Variants in KIF13A observed in about 807,000 individuals in gnomAD.
The protein encoded by KIF13A is kinesin-like protein KIF13A.
Under a neutral mutation model 212.2 loss-of-function variants are expected in KIF13A, and 79 were observed. The observed-to-expected ratio is 0.37, with a 90% CI of 0.31 to 0.45. The LOEUF is 0.45. Ranked by LOEUF, KIF13A falls within the 20% of genes least tolerant of loss-of-function variation. The probability of loss-of-function intolerance (pLI) is 1.00; values close to 1 mark genes in which losing one functional copy is unlikely to be tolerated. For synonymous variants in KIF13A, 789 were observed against 808.6 expected, an observed-to-expected ratio of 0.98 and a Z score of 0.41; for missense variants, 1,901 against 2,209.0, an observed-to-expected ratio of 0.86 and a Z score of 2.79.
intron 9 of KIF13A, among the ~76,000 whole-genome samples, chr6:17,841,759 A>C (rs1381282233): frequency 6.6e-6 from 1 of 152,152 alleles, no homozygotes; most frequent in African/African-American, 2.4e-5. Flanking sequence ...CTGCAGGGTG[A>C]GTGGGACTCA....
intron 17 of KIF13A, chr6:17,812,016 T>A (rs1327939557): frequency 1.1e-4 from 16 of 151,488 alleles, no homozygotes; most frequent in Admixed American, 1.1e-3. Context: ...CATGTGCCAC[T>A]GTACCCGACT....
In KIF13A at chr6:17,915,845, CCAG is replaced by C. The variant is rs1392226622; in HGVS notation, c.147-17668_147-17666del. 1.3e-5 allele frequency among the ~76,000 whole-genome samples: 2 copies of C among 151,618 alleles called. No individual in the cohort carries two copies. The highest frequency in any genetic ancestry group is 2.9e-5 in the Non-Finnish European group (2 of 67,932). On this transcript the variant is annotated intron_variant, in intron 2 of 38. Transcript: ENST00000259711. This position sits in a 1 kb window ranked among gnomAD's most constrained non-coding sequence, Gnocchi z 4.4. The stretch of plus-strand genomic sequence containing the variant: ...GGTGTGGTAGCAAGAGCCTATAGTC[CCAG>C]CTACCCAAGAGGCTGAGGTGGTAGG...
Position 17,771,206 on chromosome 6 carries a change from G to T in KIF13A, c.4489C>A (p.Pro1497Thr). ...PLLSQESMPP[P>T]QAHNPGCIVP... The stretch of plus-strand genomic sequence containing the variant: ...ATGCAGCCAGGGTTATGTGCCTGAG[G>T]TGGAGGCATGCTCTGCAAAGGTTAA... The change falls in exon 38 of 39, where the codon CCT becomes ACT. Residue 1497 changes from proline to threonine, a missense_variant. Coordinates refer to ENST00000259711, the MANE Select transcript of KIF13A (RefSeq NM_022113.6). This position sits in a 1 kb window ranked among gnomAD's most constrained non-coding sequence, Gnocchi z 5.4. 6.2e-7 allele frequency: 1 copy of T among 1,611,606 alleles called. No individual in the cohort carries two copies. Among genetic ancestry groups the T allele is most frequent in the Non-Finnish European group, 8.5e-7 (1 of 1,178,498 alleles).
At chr6:17,896,374 CTCA>C (rs1027366195) in intron 3 of KIF13A, among the ~76,000 whole-genome samples, 1 of 152,090 alleles carries the variant, frequency 6.6e-6, no homozygotes, top group Non-Finnish European at 1.5e-5. Context: ...ATGCCCAAAT[CTCA>C]TCGTTTTAAA....
rs939894413 is a variant in KIF13A, at chr6:17,776,723, C to T, written c.4170+554G>A. On this transcript the variant is annotated intron_variant, in intron 34 of 38. Coordinates refer to ENST00000259711, the MANE Select transcript of KIF13A (RefSeq NM_022113.6). This position sits in a 1 kb window ranked among gnomAD's most constrained non-coding sequence, Gnocchi z 4.6. ...TCTGGGAAGTGGCTGCTTAGAAGTG[C>T]TCCATGCACTAATCTGTCCTATCCC... is the stretch of plus-strand genomic sequence containing the variant. Among the ~76,000 whole-genome samples the T allele has an allele frequency of 4.6e-5, 7 of 152,222 alleles. No individual in the cohort carries two copies. Among genetic ancestry groups the T allele is most frequent in the African/African-American group, 1.7e-4 (7 of 41,466 alleles).
At chr6:17,847,875 G>T (rs955761774) in intron 9 of KIF13A, among the ~76,000 whole-genome samples, 1 of 151,996 alleles carries the variant, frequency 6.6e-6, no homozygotes, top group East Asian at 1.9e-4. Context: ...ACAGTGGCGC[G>T]ATCTCGGCTC....
chr6:17,818,825 G>A (rs1042518691), intron 16 of KIF13A, among the ~76,000 whole-genome samples: 7 of 152,088 alleles, frequency 4.6e-5, no homozygotes, highest in Non-Finnish European at 8.8e-5. Context: ...GTAATAAACT[G>A]ATGTGGTACT....
chr6:17,950,262 T>C (rs1777739171), intron 2 of KIF13A: 1 of 300,546 alleles, frequency 3.3e-6, no homozygotes, highest in African/African-American at 2.3e-5. Flanking sequence ...AATCTCTGCT[T>C]CCTCATATAT....
intron 6 of KIF13A, among the ~76,000 whole-genome samples, chr6:17,853,502 T>G (rs1227305511): frequency 6.6e-6 from 1 of 152,150 alleles, no homozygotes; most frequent in Admixed American, 6.6e-5. Context: ...ATGTGTTACC[T>G]AGAAACTCCT....
chr6:17,817,101 T>C lies in KIF13A; in HGVS notation c.1919A>G (p.Gln640Arg). The C allele has an allele frequency of 6.2e-7, 1 of 1,614,008 alleles. No homozygotes were observed. Among genetic ancestry groups the C allele is most frequent in the Non-Finnish European group, 8.5e-7 (1 of 1,179,898 alleles). Residue 640 changes from glutamine to arginine, a missense_variant, in exon 17 of 39, where the codon CAG (glutamine) becomes CGG (arginine). Transcript: ENST00000259711. ...QLRQQLSPDR[Q>R]PQSSGPDRLA... Reference sequence around the variant, plus strand: ...GCGGTCAGGGCCGCTACTCTGTGGCTGCCTGTCGGGGGAGAGCTGCTGGCG... The same window carrying C: ...GCGGTCAGGGCCGCTACTCTGTGGCCGCCTGTCGGGGGAGAGCTGCTGGCG...
chr6:17,942,699 C>T (rs370168871), intron 2 of KIF13A, among the ~76,000 whole-genome samples: 17 of 152,028 alleles, frequency 1.1e-4, no homozygotes, highest in African/African-American at 2.9e-4. Context: ...TAGATTAGGC[C>T]GGGCGCAGTG....
At position 17,777,435 on chromosome 6, in the gene KIF13A, G is replaced by T. The variant is rs1760099464; in HGVS notation, c.4093-81C>A. 3.5e-6 allele frequency: 4 copies of T among 1,155,594 alleles called. No individual in the cohort carries two copies. The highest frequency in any genetic ancestry group is 4.0e-5 in the Admixed American group (2 of 50,210). 71.6% of individuals were successfully genotyped at this position (1,155,594 alleles called of 1,614,324 possible). On this transcript the variant is annotated intron_variant, in intron 33 of 38. Transcript: ENST00000259711. The surrounding 1 kb of genome is among the most constrained non-coding windows in gnomAD (Gnocchi z 4.4). ...GTCTCACTCTGTTGCCCAGGCTGGA[G>T]TGTAGTGATGCGATCTCTGCTCACT...
At chr6:17,792,293 G>A (rs1046703394) in intron 25 of KIF13A, among the ~76,000 whole-genome samples, 7 of 150,976 alleles carry the variant, frequency 4.6e-5, no homozygotes, top group African/African-American at 1.7e-4. Context: ...TACTTATACT[G>A]CAGGTCACAG....
At chr6:17,810,278 T>A (rs1763319483) in intron 17 of KIF13A, among the ~76,000 whole-genome samples, 1 of 152,218 alleles carries the variant, frequency 6.6e-6, no homozygotes, top group African/African-American at 2.4e-5. Context: ...AGGCTCTTCT[T>A]GCTCCACTGC....
At position 17,954,391 on chromosome 6, in the gene KIF13A, G is replaced by C. The variant is rs571546421; in HGVS notation, c.146+32663C>G. 1.8e-4 allele frequency among the ~76,000 whole-genome samples: 28 copies of C among 151,686 alleles called. 1 individual carries two copies. In the South Asian group the frequency reaches 5.2e-3, roughly 28 times the overall value. ...CAAGGACCACATCTTCCCCCTTTTA[G>C]GGAGTAGGTGATTGAAGGTTTTCAC... On this transcript the variant is annotated intron_variant, in intron 2 of 38. Coordinates refer to ENST00000259711, the MANE Select transcript of KIF13A (RefSeq NM_022113.6).
intron 4 of KIF13A, among the ~76,000 whole-genome samples, chr6:17,860,781 T>C (rs1372526280): frequency 6.6e-6 from 1 of 152,112 alleles, no homozygotes; most frequent in Non-Finnish European, 1.5e-5. Context: ...ATTGTATTAG[T>C]TTACACTTTG....
chr6:17,840,097 G>T (rs1210048331), intron 9 of KIF13A, among the ~76,000 whole-genome samples: 1 of 152,144 alleles, frequency 6.6e-6, no homozygotes, highest in Non-Finnish European at 1.5e-5. Context: ...AATAGGGAAT[G>T]ATTTGGATAC....
intron 9 of KIF13A, among the ~76,000 whole-genome samples, chr6:17,848,538 T>G (rs1265499124): frequency 6.6e-6 from 1 of 151,402 alleles, no homozygotes; most frequent in Non-Finnish European, 1.5e-5. Context: ...TGCAGTTTTA[T>G]TTAATTAAAA....
At position 17,850,279 on chromosome 6, in the gene KIF13A, G is replaced by C. The variant is rs764330615; in HGVS notation, c.717+44C>G. The C allele has an allele frequency of 6.4e-7, 1 of 1,560,476 alleles. No individual in the cohort carries two copies. ...GACTTTACCTATATGGACACTTTCA[G>C]TTCTTCCACCCCCACTCCAAAAAGG... is the stretch of plus-strand genomic sequence containing the variant. On this transcript the variant is annotated intron_variant, in intron 8 of 38. Coordinates refer to ENST00000259711, the MANE Select transcript of KIF13A (RefSeq NM_022113.6). This position sits in a 1 kb window ranked among gnomAD's most constrained non-coding sequence, Gnocchi z 6.2.
Sources: allele counts gnomAD v4.1 joint callset (sites outside exome capture counted in the v4.1 genomes callset), GRCh38; gene constraint gnomAD v4.1.1; non-coding constraint Gnocchi (gnomAD v3.1); transcripts MANE v1.5; gene names NCBI Gene and HGNC (gene_info 2026-07-23, HGNC 2026-07-21).